The following UST variants were observed in gnomAD, a reference collection of about 807,000 sequenced individuals.
UST encodes the protein chondroitin sulfate 2-O-sulfotransferase.
UST carries 21 observed loss-of-function variants against 45.6 expected under a neutral mutation model. That is an observed-to-expected ratio of 0.46 (90% CI 0.33 to 0.66). UST has a LOEUF of 0.66. Among genes scored for constraint, UST ranks in the 30% least tolerant of loss-of-function variants. The pLI is 0.02. For missense variants in UST, 463 were observed against 512.4 expected (o/e 0.90, Z 0.93); for synonymous variants, 215 against 200.6 (o/e 1.07, Z -0.61).
In UST at chr6:148,934,526, G is replaced by A. The variant is rs1450076848; in HGVS notation, c.292-6753G>A. On this transcript the variant is annotated intron_variant, in intron 2 of 7. Transcript: ENST00000367463. The surrounding 1 kb of genome is among the most constrained non-coding windows in gnomAD (Gnocchi z 4.1). ...CCTGGGAGAGTGTGAGCATACTTATGAGGTTAATTATGACTGGTAAATGTG... is the reference window on the plus strand; with the variant it reads ...CCTGGGAGAGTGTGAGCATACTTATAAGGTTAATTATGACTGGTAAATGTG... Among the ~76,000 whole-genome samples, 1 of 152,158 alleles carries A rather than the reference G, an allele frequency of 6.6e-6. No individual in the cohort carries two copies. The highest frequency in any genetic ancestry group is 2.4e-5 in the African/African-American group (1 of 41,440).
intron 3 of UST, among the ~76,000 whole-genome samples, chr6:148,950,891 C>A (rs1780350741): frequency 6.6e-6 from 1 of 152,170 alleles, no homozygotes; most frequent in South Asian, 2.1e-4. Context: ...ATCTCTATAG[C>A]CATAACCCTG....
intron 5 of UST, among the ~76,000 whole-genome samples, chr6:148,977,485 C>T (rs1406030290): frequency 1.3e-5 from 2 of 152,218 alleles, no homozygotes; most frequent in Non-Finnish European, 2.9e-5. Context: ...GGCGTGGTGG[C>T]TCACGCCTGT....
At chr6:148,931,812 G>T (rs1036406905) in intron 2 of UST, among the ~76,000 whole-genome samples, 1 of 152,170 alleles carries the variant, frequency 6.6e-6, no homozygotes, top group Non-Finnish European at 1.5e-5. Flanking sequence ...ACTTAATTTT[G>T]ATCATAAAAG....
chr6:148,881,713 C>A (rs1329025595), intron 1 of UST, among the ~76,000 whole-genome samples: 1 of 152,180 alleles, frequency 6.6e-6, no homozygotes, highest in African/African-American at 2.4e-5. Flanking sequence ...CAACTTAACA[C>A]CCACCATCGA....
intron 7 of UST, among the ~76,000 whole-genome samples, chr6:149,042,548 C>T (rs1043847982): frequency 1.3e-5 from 2 of 152,180 alleles, no homozygotes; most frequent in African/African-American, 4.8e-5. Flanking sequence ...CGTGGTCCAG[C>T]AGGGCCCTGA....
chr6:148,962,452 A>G (rs1780680744), intron 4 of UST, among the ~76,000 whole-genome samples: 2 of 152,246 alleles, frequency 1.3e-5, no homozygotes, highest in African/African-American at 4.8e-5. Context: ...TGAGGGTCTA[A>G]TTAGGTGCAT....
chr6:149,051,955 T>C (rs2115036888), intron 7 of UST, among the ~76,000 whole-genome samples: 1 of 152,354 alleles, frequency 6.6e-6, no homozygotes, highest in East Asian at 1.9e-4. Flanking sequence ...AAATATATTT[T>C]TGACATTTTT....
chr6:148,842,009 G>A (rs888847319), intron 1 of UST, among the ~76,000 whole-genome samples: 7 of 152,140 alleles, frequency 4.6e-5, no homozygotes, highest in Admixed American at 2.0e-4. Flanking sequence ...AGGAGGCTGA[G>A]GCAGGAGAAT....
chr6:148,750,880 G>C (rs950153581), intron 1 of UST, among the ~76,000 whole-genome samples: 19 of 152,256 alleles, frequency 1.2e-4, no homozygotes, highest in African/African-American at 4.3e-4. Flanking sequence ...CGCATCTTCC[G>C]GGCGTTTTCT....
chr6:149,063,816 T>G (rs1312560118), intron 7 of UST, among the ~76,000 whole-genome samples: 1 of 152,174 alleles, frequency 6.6e-6, no homozygotes, highest in Non-Finnish European at 1.5e-5. Context: ...GGGTATCGCT[T>G]TTGTCCTGAT....
intron 1 of UST, among the ~76,000 whole-genome samples, chr6:148,861,500 G>A (rs1040009169): frequency 5.9e-5 from 9 of 151,600 alleles, no homozygotes; most frequent in Admixed American, 1.3e-4. Flanking sequence ...TGTCTCCTTC[G>A]GTTCTGTTCT....
chr6:148,971,321 G>A (rs1025720530), intron 5 of UST, among the ~76,000 whole-genome samples: 1 of 152,118 alleles, frequency 6.6e-6, no homozygotes, highest in African/African-American at 2.4e-5. Context: ...CTGTGTAGTA[G>A]GAGCTATTGT....
chr6:148,807,616 G>A (rs1777175642), intron 1 of UST, among the ~76,000 whole-genome samples: 1 of 152,082 alleles, frequency 6.6e-6, no homozygotes, highest in African/African-American at 2.4e-5. Context: ...CTATGCCAGG[G>A]GCAACTCAGG....
intron 2 of UST, among the ~76,000 whole-genome samples, chr6:148,935,921 GCTGATGATA>G (rs1215536166): frequency 6.6e-6 from 1 of 152,184 alleles, no homozygotes; most frequent in Non-Finnish European, 1.5e-5. Flanking sequence ...CTGAGTAATG[GCTGATGATA>G]CTGGTTGTGA....
At position 148,934,309 on chromosome 6, in the gene UST, T is replaced by C. The variant is rs1697456622; in HGVS notation, c.292-6970T>C. On this transcript the variant is annotated intron_variant, in intron 2 of 7. Transcript: ENST00000367463. This position sits in a 1 kb window ranked among gnomAD's most constrained non-coding sequence, Gnocchi z 4.1. ...CTTGCACAGCCCTGGCTGTGACTCTTTCAAGTGTTAGTTTGATTAACCATG... is the reference window on the plus strand; with the variant it reads ...CTTGCACAGCCCTGGCTGTGACTCTCTCAAGTGTTAGTTTGATTAACCATG... Among the ~76,000 whole-genome samples, 1 of 152,206 alleles carries C rather than the reference T, an allele frequency of 6.6e-6. No individual in the cohort carries two copies. The highest frequency in any genetic ancestry group is 1.5e-5 in the Non-Finnish European group (1 of 68,042).
intron 5 of UST, among the ~76,000 whole-genome samples, chr6:148,972,527 G>A (rs1236345524): frequency 1.3e-5 from 2 of 152,252 alleles, no homozygotes; most frequent in Non-Finnish European, 2.9e-5. Context: ...AAGCAACGCT[G>A]CTCTGATGGC....
chr6:149,007,432 C>T (rs11759624), intron 5 of UST, among the ~76,000 whole-genome samples: 33,001 of 150,014 alleles, frequency 0.22, 3,684 homozygotes, highest in Non-Finnish European at 0.24. Flanking sequence ...GGACTACAGG[C>T]GCCCGCTACC....
chr6:148,982,097 C>CT (rs1304692564), intron 5 of UST, among the ~76,000 whole-genome samples: 28 of 97,658 alleles, frequency 2.9e-4, no homozygotes, highest in Non-Finnish European at 4.3e-4. Flanking sequence ...TCCATCAAGC[C>CT]TTTTTTGTTT....
chr6:148,838,865 A>T (rs768441322), intron 1 of UST, among the ~76,000 whole-genome samples: 2 of 152,120 alleles, frequency 1.3e-5, no homozygotes, highest in Non-Finnish European at 2.9e-5. Context: ...GGCATCCAGG[A>T]TAGTGTGACT....
Sources: gnomAD v4.1 joint callset for allele counts (sites outside exome capture counted in the v4.1 genomes callset) on GRCh38, gnomAD v4.1.1 for gene constraint, Gnocchi (gnomAD v3.1) non-coding constraint, MANE v1.5 for transcripts, NCBI Gene and HGNC (gene_info 2026-07-23, HGNC 2026-07-21) for gene names.